PRKCE: variants seen among roughly 807,000 people sequenced by gnomAD.
PRKCE encodes the protein protein kinase C epsilon.
A neutral mutation model predicts 85.4 loss-of-function variants in PRKCE; 16 were observed. That is an observed-to-expected ratio of 0.19 (90% CI 0.13 to 0.28). The LOEUF (loss-of-function observed/expected upper bound fraction) is 0.28. Ranked by LOEUF, PRKCE falls within the 10% of genes least tolerant of loss-of-function variation. PRKCE has a pLI of 1.00. For missense variants in PRKCE, 573 were observed against 975.2 expected (o/e 0.59, Z 5.49); for synonymous variants, 388 against 371.5 (o/e 1.04, Z -0.51).
intron 1 of PRKCE, among the ~76,000 whole-genome samples, chr2:45,757,008 T>C (rs1684060627): frequency 6.6e-6 from 1 of 152,162 alleles, no homozygotes; most frequent in Admixed American, 6.5e-5. Context: ...CCCAGCACTT[T>C]GGGAGGCCGA....
At position 45,692,266 on chromosome 2, in the gene PRKCE, A is replaced by G. The variant is rs951823605; in HGVS notation, c.348+39818A>G. Among the ~76,000 whole-genome samples, 4 of 152,208 alleles carry G rather than the reference A, an allele frequency of 2.6e-5. 1 individual carries two copies. Among genetic ancestry groups the G allele is most frequent in the Admixed American group, 2.6e-4 (4 of 15,292 alleles). The stretch of plus-strand genomic sequence containing the variant: ...TTTATGACTCTTACTTCTGGAAACT[A>G]GAAGTCCTAAATCAAGGTGTTGGCA... On this transcript the variant is annotated intron_variant, in intron 1 of 14. Transcript: ENST00000306156.
rs375997615 is a variant in PRKCE at position 46,144,908 on chromosome 2, G to A, written c.1593-185G>A. ...CCTCCCTCTTGCTGAAGAAAGTGGAGGTGCCGTTAGGGGCTGACTAACATG... is the reference window on the plus strand; with the variant it reads ...CCTCCCTCTTGCTGAAGAAAGTGGAAGTGCCGTTAGGGGCTGACTAACATG... On this transcript the variant is annotated intron_variant, in intron 11 of 14. Transcript: ENST00000306156. Among the ~76,000 whole-genome samples, 126 of 152,322 alleles carry A rather than the reference G, an allele frequency of 8.3e-4. 3 individuals carry two copies. The highest frequency in any genetic ancestry group is 2.9e-3 in the African/African-American group (122 of 41,570).
chr2:46,103,351 G>A (rs1455443351), intron 11 of PRKCE, among the ~76,000 whole-genome samples: 3 of 152,196 alleles, frequency 2.0e-5, no homozygotes, highest in African/African-American at 7.2e-5. Context: ...AAGGATCCCT[G>A]GCTTCTTTTA....
intron 1 of PRKCE, among the ~76,000 whole-genome samples, chr2:45,688,914 T>C (rs540883502): frequency 6.6e-6 from 1 of 152,332 alleles, no homozygotes; most frequent in South Asian, 2.1e-4. Context: ...GCACAAATCG[T>C]TGGTTGCTCA....
intron 1 of PRKCE, among the ~76,000 whole-genome samples, chr2:45,790,591 C>T (rs1203434241): frequency 6.6e-6 from 1 of 152,208 alleles, no homozygotes; most frequent in South Asian, 2.1e-4. Context: ...AGGAAATGGC[C>T]ATTCTGTCAG....
At chr2:45,748,718 G>A (rs968731458) in intron 1 of PRKCE, among the ~76,000 whole-genome samples, 56 of 152,160 alleles carry the variant, frequency 3.7e-4, no homozygotes, top group African/African-American at 1.3e-3. Context: ...GCAAGGATTT[G>A]TGTTGGATTC....
intron 1 of PRKCE, among the ~76,000 whole-genome samples, chr2:45,725,271 G>A (rs1680960033): frequency 6.6e-6 from 1 of 152,108 alleles, no homozygotes; most frequent in African/African-American, 2.4e-5. Flanking sequence ...ATTGAGACCT[G>A]CTCAGAAAAA....
intron 1 of PRKCE, chr2:45,698,139 C>T (rs1389667123): frequency 6.6e-6 from 1 of 152,566 alleles, no homozygotes; most frequent in Non-Finnish European, 1.5e-5. Context: ...CTGTTGGCCG[C>T]AGGTTAGGTG....
chr2:45,981,162 A>G (rs1039975913), intron 5 of PRKCE, among the ~76,000 whole-genome samples: 1 of 152,212 alleles, frequency 6.6e-6, no homozygotes, highest in Admixed American at 6.5e-5. Flanking sequence ...TAACTGAGCA[A>G]TTACGAGAAT....
chr2:45,981,267 A>G (rs1021193102), intron 5 of PRKCE, among the ~76,000 whole-genome samples: 2 of 152,226 alleles, frequency 1.3e-5, no homozygotes, highest in Non-Finnish European at 2.9e-5. Context: ...TTTCAAGAGC[A>G]TGCTCTTAAT....
chr2:45,835,633 T>C (rs936044453), intron 1 of PRKCE, among the ~76,000 whole-genome samples: 1 of 150,794 alleles, frequency 6.6e-6, no homozygotes, highest in Non-Finnish European at 1.5e-5. Context: ...GGATCTCACC[T>C]AGGCTGGAGT....
intron 1 of PRKCE, among the ~76,000 whole-genome samples, chr2:45,669,712 A>C (rs115584632): frequency 8.1e-4 from 124 of 152,346 alleles, no homozygotes; most frequent in African/African-American, 3.0e-3. Flanking sequence ...GTATCTGTGA[A>C]AATTAAAATG....
At chr2:45,900,784 C>A (rs888375126) in intron 2 of PRKCE, among the ~76,000 whole-genome samples, 1 of 152,164 alleles carries the variant, frequency 6.6e-6, no homozygotes, top group African/African-American at 2.4e-5. Context: ...TAATTTACCA[C>A]TGTAAAAATC....
chr2:45,808,772 A>G (rs1341524316), intron 1 of PRKCE, among the ~76,000 whole-genome samples: 2 of 152,164 alleles, frequency 1.3e-5, no homozygotes, highest in Non-Finnish European at 2.9e-5. Context: ...CAGATGGGGA[A>G]TCTGAGGCCC....
intron 14 of PRKCE, among the ~76,000 whole-genome samples, chr2:46,182,441 G>A (rs1035464854): frequency 5.3e-5 from 8 of 152,068 alleles, no homozygotes; most frequent in African/African-American, 1.9e-4. Context: ...TCCTCCTGCC[G>A]GGGGCCAGCC....
intron 1 of PRKCE, among the ~76,000 whole-genome samples, chr2:45,822,467 G>T (rs548698928): frequency 1.3e-4 from 20 of 152,238 alleles, no homozygotes; most frequent in Non-Finnish European, 2.5e-4. Flanking sequence ...CTGCAGGGTC[G>T]TGGCTGTCTG....
intron 2 of PRKCE, among the ~76,000 whole-genome samples, chr2:45,862,708 A>T (rs1331063092): frequency 1.3e-5 from 2 of 152,068 alleles, no homozygotes; most frequent in African/African-American, 4.8e-5. Context: ...GATTGCTAGG[A>T]CTCAGAGCAG....
rs141354108 is a variant in PRKCE at position 46,139,186 on chromosome 2, A to G, written c.1593-5907A>G. Among the ~76,000 whole-genome samples, 51 of 152,352 alleles carry G rather than the reference A, an allele frequency of 3.3e-4. No homozygotes were observed. The highest frequency in any genetic ancestry group is 1.1e-3 in the African/African-American group (44 of 41,574). On this transcript the variant is annotated intron_variant, in intron 11 of 14. Transcript: ENST00000306156. This position sits in a 1 kb window ranked among gnomAD's most constrained non-coding sequence, Gnocchi z 5.2. ...TGTTCTTGAGGTTGCAGTCAACACA[A>G]TCAGACACAAGAAATGAATTAGAAG...
At chr2:45,653,786 G>A (rs541999125) in intron 1 of PRKCE, among the ~76,000 whole-genome samples, 5 of 152,280 alleles carry the variant, frequency 3.3e-5, no homozygotes, top group Admixed American at 6.5e-5. Context: ...AGCCACATGC[G>A]TAGAACTCTA....
Sources: allele counts gnomAD v4.1 joint callset (sites outside exome capture counted in the v4.1 genomes callset), GRCh38; gene constraint gnomAD v4.1.1; non-coding constraint Gnocchi (gnomAD v3.1); transcripts MANE v1.5; gene names NCBI Gene and HGNC (gene_info 2026-07-23, HGNC 2026-07-21).